Variants in KCNQ1OT1 observed in about 807,000 individuals in gnomAD.
KCNQ1OT1 encodes KCNQ1 antisense RNA 2 (non-protein coding).
chr11:2,682,395 G>A lies in KCNQ1OT1; in HGVS notation n.17600C>T. On this transcript the variant is annotated non_coding_transcript_exon_variant, in exon 1 of 1. Transcript: ENST00000597346. This position sits in a 1 kb window ranked among gnomAD's most constrained non-coding sequence, Gnocchi z 5.8. ...ACATTCAAGGAGCATGAGGGTATAG[G>A]CTGGCTGTTTCTATTCAGTGTTTTA... 1 of 398,622 alleles carries A rather than the reference G, an allele frequency of 2.5e-6. No individual in the cohort carries two copies. 24.7% of individuals were successfully genotyped at this position (398,622 alleles called of 1,614,324 possible).
chr11:2,633,560 G>C, exon 1 of KCNQ1OT1: 1 of 398,524 alleles, frequency 2.5e-6, no homozygotes, highest in Non-Finnish European at 4.4e-6. Context: ...CTGAGAGATA[G>C]TATAGTTTCA....
rs1849217542 is a variant in KCNQ1OT1 at position 2,623,894 on chromosome 11, G to A, written n.76101C>T. ...GGGGGATATGTATACACATTCAGAA[G>A]TGGAATTGATGGATCCTATGATAAT... is the stretch of plus-strand genomic sequence containing the variant. On this transcript the variant is annotated non_coding_transcript_exon_variant, in exon 1 of 1. Transcript: ENST00000597346. This position sits in a 1 kb window ranked among gnomAD's most constrained non-coding sequence, Gnocchi z 5.2. 1 of 398,492 alleles carries A rather than the reference G, an allele frequency of 2.5e-6. No homozygotes were observed. Among genetic ancestry groups the A allele is most frequent in the African/African-American group, 2.1e-5 (1 of 48,630 alleles). The allele number at this position is 398,492 out of a possible 1,614,324, so 24.7% of individuals were successfully genotyped here. A position where few individuals can be genotyped will look rare whatever the true frequency, so the allele number is the denominator to read the frequency against.
rs1023577839 is a variant in KCNQ1OT1 at position 2,690,232 on chromosome 11, A to G, written n.9763T>C. The G allele has an allele frequency of 1.5e-5, 6 of 398,700 alleles. No homozygotes were observed. In the East Asian group the frequency reaches 1.8e-4, roughly 12 times the overall value. The allele number at this position is 398,700 out of a possible 1,614,324, so 24.7% of individuals were successfully genotyped here. A position where few individuals can be genotyped will look rare whatever the true frequency, so the allele number is the denominator to read the frequency against. ...TGTCAAGTGCCTGGTGACCTCAAGCAAGTCATTCCATGTGGCTGAGCTGCT... is the reference window on the plus strand; with the variant it reads ...TGTCAAGTGCCTGGTGACCTCAAGCGAGTCATTCCATGTGGCTGAGCTGCT... On this transcript the variant is annotated non_coding_transcript_exon_variant, in exon 1 of 1. Coordinates refer to ENST00000597346, the Ensembl canonical transcript of KCNQ1OT1. The surrounding 1 kb of genome is among the most constrained non-coding windows in gnomAD (Gnocchi z 5.1).
At position 2,695,958 on chromosome 11, in the gene KCNQ1OT1, TTTAA is replaced by T. The variant is rs1850669463; in HGVS notation, n.4033_4036del. ...TTTTAGCTGTTGTTCCCTCCTCAGC[TTTAA>T]TTGTTTCAAATATCTTGTAATGAGT... On this transcript the variant is annotated non_coding_transcript_exon_variant, in exon 1 of 1. Transcript: ENST00000597346. This position sits in a 1 kb window ranked among gnomAD's most constrained non-coding sequence, Gnocchi z 5.2. 1 of 398,542 alleles carries T rather than the reference TTTAA, an allele frequency of 2.5e-6. No homozygotes were observed. Among genetic ancestry groups the T allele is most frequent in the Non-Finnish European group, 4.4e-6 (1 of 226,078 alleles). 24.7% of individuals were successfully genotyped at this position (398,542 alleles called of 1,614,324 possible).
Position 2,690,365 on chromosome 11 carries a change from T to C in KCNQ1OT1, n.9630A>G, listed in dbSNP as rs1004581632. Reference sequence around the variant, plus strand: ...GCCCTGCAGCTGCTGTTTCCACTACTTGGCATGGAACATGTGCCAGACCAA... The same window carrying C: ...GCCCTGCAGCTGCTGTTTCCACTACCTGGCATGGAACATGTGCCAGACCAA... On this transcript the variant is annotated non_coding_transcript_exon_variant, in exon 1 of 1. Coordinates refer to ENST00000597346, the Ensembl canonical transcript of KCNQ1OT1. The surrounding 1 kb of genome is among the most constrained non-coding windows in gnomAD (Gnocchi z 5.1). 5.0e-6 allele frequency: 2 copies of C among 398,594 alleles called. No homozygotes were observed. Among genetic ancestry groups the C allele is most frequent in the Admixed American group, 4.4e-5 (1 of 22,714 alleles). 24.7% of individuals were successfully genotyped at this position (398,594 alleles called of 1,614,324 possible). A position where few individuals can be genotyped will look rare whatever the true frequency, so the allele number is the denominator to read the frequency against.
At position 2,642,270 on chromosome 11, in the gene KCNQ1OT1, G is replaced by C. The variant is rs1849592058; in HGVS notation, n.57725C>G. ...CATGAGAATGGGATGTTTTTTGTGT[G>C]TTCTTTTCAATTTCTTTCATCAGAC... On this transcript the variant is annotated non_coding_transcript_exon_variant, in exon 1 of 1. Coordinates refer to ENST00000597346, the Ensembl canonical transcript of KCNQ1OT1. The surrounding 1 kb of genome is among the most constrained non-coding windows in gnomAD (Gnocchi z 4.3). 2.5e-6 allele frequency: 1 copy of C among 398,092 alleles called. No homozygotes were observed. The highest frequency in any genetic ancestry group is 2.1e-5 in the African/African-American group (1 of 48,602). The allele number at this position is 398,092 out of a possible 1,614,324, so 24.7% of individuals were successfully genotyped here. A position where few individuals can be genotyped will look rare whatever the true frequency, so the allele number is the denominator to read the frequency against.
rs1850038698 is a variant in KCNQ1OT1, at chr11:2,664,996, T to C, written n.34999A>G. On this transcript the variant is annotated non_coding_transcript_exon_variant, in exon 1 of 1. Transcript: ENST00000597346. This position sits in a 1 kb window ranked among gnomAD's most constrained non-coding sequence, Gnocchi z 5.1. The stretch of plus-strand genomic sequence containing the variant: ...TCCCTGGGGCTGGGCGAAGCTCCTC[T>C]TTCCGGGGCCTGTTAGCCAGAGGTG... The C allele has an allele frequency of 5.0e-6, 2 of 398,652 alleles. No individual in the cohort carries two copies. Among genetic ancestry groups the C allele is most frequent in the Non-Finnish European group, 8.8e-6 (2 of 226,132 alleles). 24.7% of individuals were successfully genotyped at this position (398,652 alleles called of 1,614,324 possible). A position where few individuals can be genotyped will look rare whatever the true frequency, so the allele number is the denominator to read the frequency against.
chr11:2,686,221 G>A, exon 1 of KCNQ1OT1: 1 of 398,756 alleles, frequency 2.5e-6, no homozygotes, highest in Non-Finnish European at 4.4e-6. Flanking sequence ...CTAGCTGTGT[G>A]ACCTTTAGGC....
chr11:2,628,786 TTTCTC>T (rs1177532635), exon 1 of KCNQ1OT1: 7 of 398,298 alleles, frequency 1.8e-5, no homozygotes, highest in African/African-American at 4.1e-5. Flanking sequence ...CTTATTCACT[TTTCTC>T]TACAGTGTAG....
chr11:2,665,348 A>T (rs1850047752), exon 1 of KCNQ1OT1: 1 of 398,184 alleles, frequency 2.5e-6, no homozygotes, highest in South Asian at 1.3e-4. Flanking sequence ...CTGCATGGGC[A>T]GTTGGGGAGC....
chr11:2,699,889 C>T (rs572646517), exon 1 of KCNQ1OT1: 5 of 398,488 alleles, frequency 1.3e-5, no homozygotes, highest in South Asian at 2.5e-4. Context: ...CCGGGGAGGA[C>T]CACGCTGAGA....
exon 1 of KCNQ1OT1, chr11:2,630,981 C>T: frequency 2.5e-6 from 1 of 398,480 alleles, no homozygotes; most frequent in African/African-American, 2.1e-5. Flanking sequence ...GATGTAAGAA[C>T]TTTATTTATC....
Position 2,691,559 on chromosome 11 carries a change from G to A in KCNQ1OT1, n.8436C>T. The A allele has an allele frequency of 2.5e-6, 1 of 398,574 alleles. No individual in the cohort carries two copies. Among genetic ancestry groups the A allele is most frequent in the Non-Finnish European group, 4.4e-6 (1 of 226,064 alleles). The allele number at this position is 398,574 out of a possible 1,614,324, so 24.7% of individuals were successfully genotyped here. A position where few individuals can be genotyped will look rare whatever the true frequency, so the allele number is the denominator to read the frequency against. On this transcript the variant is annotated non_coding_transcript_exon_variant, in exon 1 of 1. Coordinates refer to ENST00000597346, the Ensembl canonical transcript of KCNQ1OT1. The surrounding 1 kb of genome is among the most constrained non-coding windows in gnomAD (Gnocchi z 6.4). The stretch of plus-strand genomic sequence containing the variant: ...GGGGATTTCTCTATCCTGAGGTTAT[G>A]AAATACCTCAGCAAGGACGAGGCCT...
chr11:2,667,111 G>A (rs934613561), exon 1 of KCNQ1OT1: 20 of 398,528 alleles, frequency 5.0e-5, no homozygotes, highest in East Asian at 2.5e-4. Context: ...AAACCGAGGC[G>A]TAATGGCTCA....
exon 1 of KCNQ1OT1, chr11:2,672,735 C>T (rs1389051147): frequency 2.5e-6 from 1 of 398,758 alleles, no homozygotes; most frequent in Non-Finnish European, 4.4e-6. Context: ...ACTCCAAGTT[C>T]TATGCTTTTT....
chr11:2,646,162 G>A (rs780547515), exon 1 of KCNQ1OT1: 20 of 398,438 alleles, frequency 5.0e-5, no homozygotes, highest in African/African-American at 1.2e-4. Flanking sequence ...TCTCAGAGGC[G>A]ATCTATATAA....
exon 1 of KCNQ1OT1, chr11:2,615,752 A>T (rs1849050904): frequency 2.5e-6 from 1 of 397,904 alleles, no homozygotes; most frequent in African/African-American, 2.1e-5. Context: ...ATGATATATA[A>T]TCCTTTTTAA....
rs1254361823 is a variant in KCNQ1OT1 at position 2,613,173 on chromosome 11, T to A, written n.86822A>T. Reference sequence around the variant, plus strand: ...TATGTGTGGGTTGGGACATTCAAAGTTCAGGCACTTTATAACTCTGTCCTG... The same window carrying A: ...TATGTGTGGGTTGGGACATTCAAAGATCAGGCACTTTATAACTCTGTCCTG... On this transcript the variant is annotated non_coding_transcript_exon_variant, in exon 1 of 1. Transcript: ENST00000597346. The surrounding 1 kb of genome is among the most constrained non-coding windows in gnomAD (Gnocchi z 4.8). The A allele has an allele frequency of 3.3e-5, 13 of 398,454 alleles. No homozygotes were observed. The highest frequency in any genetic ancestry group is 5.8e-5 in the Non-Finnish European group (13 of 226,060). 24.7% of individuals were successfully genotyped at this position (398,454 alleles called of 1,614,324 possible).
chr11:2,641,839 A>AT (rs1849583749), exon 1 of KCNQ1OT1: 1 of 398,272 alleles, frequency 2.5e-6, no homozygotes, highest in Non-Finnish European at 4.4e-6. Flanking sequence ...AAACGGTTTC[A>AT]TTTTTCACAT....
Sources: allele counts gnomAD v4.1 joint callset, GRCh38; gene constraint gnomAD v4.1.1; non-coding constraint Gnocchi (gnomAD v3.1); transcripts MANE v1.5; gene names NCBI Gene and HGNC (gene_info 2026-07-23, HGNC 2026-07-21).